CDH18: variants seen among roughly 807,000 people sequenced by gnomAD.
CDH18 encodes cadherin 18.
A neutral mutation model predicts 67.9 loss-of-function variants in CDH18; 31 were observed. That is an observed-to-expected ratio of 0.46 (90% CI 0.34 to 0.62). The LOEUF (loss-of-function observed/expected upper bound fraction) is 0.62, where lower values mean the gene tolerates loss of function less well. CDH18 is among the 20% of genes least tolerant of loss of function. The probability of loss-of-function intolerance (pLI) is 0.01; values close to 1 mark genes in which losing one functional copy is unlikely to be tolerated. For missense variants in CDH18, 890 were observed against 975.5 expected (o/e 0.91, Z 1.17); for synonymous variants, 362 against 347.2 (o/e 1.04, Z -0.48).
rs186785399 is a variant in CDH18 at position 19,472,418 on chromosome 5, T to C, written c.*808A>G. Reference sequence around the variant, plus strand: ...TGGTAGAAGATAAGGTGTGTGGCTATTTTTAAAATTAAATTATTCCCTGAC... The same window carrying C: ...TGGTAGAAGATAAGGTGTGTGGCTACTTTTAAAATTAAATTATTCCCTGAC... On this transcript the variant is annotated 3_prime_UTR_variant, in exon 13 of 13. Transcript: ENST00000382275. Among the ~76,000 whole-genome samples the C allele has an allele frequency of 3.2e-4, 48 of 152,280 alleles. No homozygotes were observed. The highest frequency in any genetic ancestry group is 4.1e-4 in the Non-Finnish European group (28 of 68,012).
rs147650720 is a variant in CDH18, at chr5:20,447,788, T to G, written c.-580+127674A>C. Among the ~76,000 whole-genome samples, 64 of 152,344 alleles carry G rather than the reference T, an allele frequency of 4.2e-4. No homozygotes were observed. The East Asian group carries it at 0.011, about 27-fold the overall frequency. The stretch of plus-strand genomic sequence containing the variant: ...TTTATATCATGTGAAAATGTTTTCC[T>G]TCCGTTTACTACTCACACATGAGTT... On this transcript the variant is annotated intron_variant, in intron 1 of 14. Transcript: ENST00000507958.
intron 5 of CDH18, among the ~76,000 whole-genome samples, chr5:19,719,165 T>G (rs1302746119): frequency 1.3e-5 from 2 of 151,986 alleles, no homozygotes; most frequent in Non-Finnish European, 2.9e-5. Flanking sequence ...AAGTGTAAAA[T>G]AACTTTTTTA....
intron 1 of CDH18, among the ~76,000 whole-genome samples, chr5:20,311,293 TG>T (rs10711526): frequency 0.037 from 5,676 of 152,184 alleles, 266 homozygotes; most frequent in African/African-American, 0.11. Context: ...ATCCCATTAC[TG>T]GGTATATACC....
intron 1 of CDH18, among the ~76,000 whole-genome samples, chr5:20,520,665 G>A (rs1014838262): frequency 6.6e-6 from 1 of 152,182 alleles, no homozygotes; most frequent in Non-Finnish European, 1.5e-5. Context: ...ATGGCAGGGA[G>A]ATATGAAGAG....
At chr5:19,867,209 A>C (rs1411973726) in intron 2 of CDH18, among the ~76,000 whole-genome samples, 2 of 152,184 alleles carry the variant, frequency 1.3e-5, no homozygotes, top group Non-Finnish European at 2.9e-5. Flanking sequence ...TTGATAACAG[A>C]AAATATCAGA....
At chr5:20,314,482 T>C (rs1054408560) in intron 1 of CDH18, among the ~76,000 whole-genome samples, 1 of 152,042 alleles carries the variant, frequency 6.6e-6, no homozygotes, top group African/African-American at 2.4e-5. Context: ...AAAATTTCAA[T>C]TCAGTCACAT....
At position 19,590,408 on chromosome 5, in the gene CDH18, A is replaced by C. The variant is rs185419985; in HGVS notation, c.999+649T>G. Among the ~76,000 whole-genome samples the C allele has an allele frequency of 4.4e-3, 671 of 152,190 alleles. 8 individuals carry two copies. The highest frequency in any genetic ancestry group is 0.015 in the African/African-American group (644 of 41,552). ...AATTTTAAATCAATATAAAATTATAATTACTAGAAGAAGAATTAATGAGAT... is the reference window on the plus strand; with the variant it reads ...AATTTTAAATCAATATAAAATTATACTTACTAGAAGAAGAATTAATGAGAT... On this transcript the variant is annotated intron_variant, in intron 7 of 12. Transcript: ENST00000382275.
chr5:20,231,514 T>C (rs1742073919), intron 2 of CDH18, among the ~76,000 whole-genome samples: 1 of 151,344 alleles, frequency 6.6e-6, no homozygotes, highest in South Asian at 2.1e-4. Flanking sequence ...CAGGAGAATC[T>C]CTTGAACCCG....
chr5:19,635,207 A>C (rs1475377875), intron 5 of CDH18, among the ~76,000 whole-genome samples: 1 of 152,144 alleles, frequency 6.6e-6, no homozygotes, highest in Non-Finnish European at 1.5e-5. Flanking sequence ...TTTCAATAGA[A>C]AGAATATGTA....
At chr5:20,379,163 A>C (rs374368490) in intron 1 of CDH18, among the ~76,000 whole-genome samples, 140 of 152,316 alleles carry the variant, frequency 9.2e-4, no homozygotes, top group African/African-American at 3.3e-3. Context: ...ACAAAGAGAA[A>C]CCATAAAATA....
rs1758571031 is a variant in CDH18 at position 19,670,357 on chromosome 5, A to G, written c.643+50990T>C. On this transcript the variant is annotated intron_variant, in intron 5 of 12. Transcript: ENST00000382275. ...TAGTGAAAAGAGAAAAGTACATTCA[A>G]AAACAGCGTATCTGCATAGATTTTA... 2.6e-5 allele frequency among the ~76,000 whole-genome samples: 4 copies of G among 152,182 alleles called. No homozygotes were observed. The South Asian group carries it at 8.3e-4, about 31-fold the overall frequency.
chr5:19,593,707 C>CCTCCTCCTCCTCCTCCTTCTT, intron 6 of CDH18, among the ~76,000 whole-genome samples: 34 of 33,382 alleles, frequency 1.0e-3, no homozygotes, highest in African/African-American at 3.8e-3. Flanking sequence ...TCCTCCTCCT[C>CCTCCTCCTCCTCCTCCTTCTT]CTTCTTCTTC....
intron 5 of CDH18, among the ~76,000 whole-genome samples, chr5:19,695,984 G>A (rs1762484420): frequency 6.6e-6 from 1 of 152,068 alleles, no homozygotes; most frequent in Admixed American, 6.6e-5. Flanking sequence ...CGTAAGCATA[G>A]GGTTTTTTCA....
At chr5:19,600,804 A>T (rs1174398163) in intron 6 of CDH18, among the ~76,000 whole-genome samples, 4 of 152,098 alleles carry the variant, frequency 2.6e-5, no homozygotes, top group Non-Finnish European at 5.9e-5. Flanking sequence ...TATCTGGAAA[A>T]ATTAAATGTA....
chr5:19,718,386 T>C (rs1281995353), intron 5 of CDH18, among the ~76,000 whole-genome samples: 1 of 152,034 alleles, frequency 6.6e-6, no homozygotes, highest in Non-Finnish European at 1.5e-5. Context: ...GTGACTACTA[T>C]TTCCATGCTT....
At chr5:20,445,607 C>A (rs575736262) in intron 1 of CDH18, among the ~76,000 whole-genome samples, 2 of 152,008 alleles carry the variant, frequency 1.3e-5, no homozygotes, top group Non-Finnish European at 2.9e-5. Context: ...ATTTCTAAGA[C>A]GACTTGTTTA....
At chr5:19,861,694 T>C (rs986150026) in intron 2 of CDH18, among the ~76,000 whole-genome samples, 3 of 152,034 alleles carry the variant, frequency 2.0e-5, no homozygotes, top group East Asian at 3.9e-4. Context: ...GTAAATCCAA[T>C]ATGGGGAGTG....
chr5:20,108,622 T>C (rs952566117), intron 2 of CDH18, among the ~76,000 whole-genome samples: 2 of 152,028 alleles, frequency 1.3e-5, no homozygotes, highest in Admixed American at 1.3e-4. Flanking sequence ...CATCTCCGCC[T>C]CCCTACTAAC....
intron 5 of CDH18, among the ~76,000 whole-genome samples, chr5:19,664,264 T>C (rs1433251853): frequency 8.1e-6 from 1 of 122,960 alleles, no homozygotes; most frequent in Non-Finnish European, 1.8e-5. Context: ...TAATGCTCCA[T>C]GATCAAATGG....
Sources: gnomAD v4.1 joint callset for allele counts (sites outside exome capture counted in the v4.1 genomes callset) on GRCh38, gnomAD v4.1.1 for gene constraint, MANE v1.5 for transcripts, NCBI Gene and HGNC (gene_info 2026-07-23, HGNC 2026-07-21) for gene names.